The following SLC35F4 variants were observed in gnomAD, a reference collection of about 807,000 sequenced individuals.
The protein encoded by SLC35F4 is chromosome 14 open reading frame 36.
In SLC35F4, 24 loss-of-function variants were observed where a neutral mutation model predicts 44.2. The ratio of observed to expected loss-of-function variants is 0.54; its 90% CI spans 0.39 to 0.76. The LOEUF (loss-of-function observed/expected upper bound fraction) is 0.76, where lower values mean the gene tolerates loss of function less well. SLC35F4 is among the 30% of genes least tolerant of loss of function. The pLI is 0.00. For synonymous variants in SLC35F4, 238 were observed against 223.6 expected, an observed-to-expected ratio of 1.06 and a Z score of -0.57; for missense variants, 562 against 586.1, an observed-to-expected ratio of 0.96 and a Z score of 0.42.
intron 1 of SLC35F4, among the ~76,000 whole-genome samples, chr14:57,661,384 C>T (rs1334309481): frequency 6.6e-6 from 1 of 152,156 alleles, no homozygotes; most frequent in Admixed American, 6.6e-5. Flanking sequence ...GGATCATGCT[C>T]TCAAGCTTTA....
At chr14:57,595,257 T>G (rs1442043519) in intron 1 of SLC35F4, among the ~76,000 whole-genome samples, 1 of 152,194 alleles carries the variant, frequency 6.6e-6, no homozygotes, top group Non-Finnish European at 1.5e-5. Flanking sequence ...GATATTTTAT[T>G]TGGCTATATT....
At chr14:57,827,387 T>C (rs936673901) in intron 1 of SLC35F4, among the ~76,000 whole-genome samples, 3 of 152,090 alleles carry the variant, frequency 2.0e-5, no homozygotes, top group Non-Finnish European at 4.4e-5. Flanking sequence ...AACATAGCTA[T>C]GCATGCTGGG....
intron 1 of SLC35F4, among the ~76,000 whole-genome samples, chr14:57,706,306 C>T (rs374414948): frequency 1.2e-4 from 19 of 152,146 alleles, no homozygotes; most frequent in African/African-American, 4.1e-4. Context: ...GAGGGAGAAA[C>T]GGGTGGAATT....
intron 1 of SLC35F4, among the ~76,000 whole-genome samples, chr14:57,701,179 C>T (rs1261361921): frequency 1.3e-5 from 2 of 151,462 alleles, no homozygotes; most frequent in East Asian, 3.9e-4. Context: ...TGTTGTTAAA[C>T]ACTAAGACAC....
chr14:57,639,562 A>G (rs1470587301), intron 1 of SLC35F4, among the ~76,000 whole-genome samples: 2 of 152,022 alleles, frequency 1.3e-5, no homozygotes, highest in African/African-American at 2.4e-5. Context: ...CATTAGTGCC[A>G]GATATAATTT....
intron 1 of SLC35F4, among the ~76,000 whole-genome samples, chr14:57,864,097 A>T (rs535450508): frequency 6.6e-6 from 1 of 152,330 alleles, no homozygotes; most frequent in East Asian, 1.9e-4. Context: ...TGTCATAAAA[A>T]TTACAATAAT....
chr14:57,917,795 G>A (rs1889359810), intron 1 of SLC35F4, among the ~76,000 whole-genome samples: 1 of 152,198 alleles, frequency 6.6e-6, no homozygotes, highest in African/African-American at 2.4e-5. Flanking sequence ...CCAAGTTAGT[G>A]AGCATAGCAC....
intron 4 of SLC35F4, among the ~76,000 whole-genome samples, chr14:57,579,726 C>G (rs2069106638): frequency 6.6e-6 from 1 of 152,130 alleles, no homozygotes; most frequent in South Asian, 2.1e-4. Context: ...ACTTCGTGCC[C>G]TGTAATATTC....
intron 1 of SLC35F4, among the ~76,000 whole-genome samples, chr14:57,812,434 A>G (rs1297684441): frequency 6.6e-6 from 1 of 152,166 alleles, no homozygotes; most frequent in African/African-American, 2.4e-5. Context: ...GTCCTGGAAA[A>G]GGGCGGCTTA....
At chr14:57,607,346 C>T (rs1241093511) in intron 1 of SLC35F4, among the ~76,000 whole-genome samples, 1 of 152,138 alleles carries the variant, frequency 6.6e-6, no homozygotes, top group Admixed American at 6.6e-5. Context: ...GAGACAGCTG[C>T]TTAGGAAGCT....
intron 1 of SLC35F4, among the ~76,000 whole-genome samples, chr14:57,665,022 CTT>C (rs2074260989): frequency 6.6e-6 from 1 of 152,112 alleles, no homozygotes; most frequent in East Asian, 1.9e-4. Context: ...TAACAACATG[CTT>C]CCACTTCAGA....
chr14:57,706,873 T>C (rs1184638371), intron 1 of SLC35F4, among the ~76,000 whole-genome samples: 1 of 152,176 alleles, frequency 6.6e-6, no homozygotes, highest in Non-Finnish European at 1.5e-5. Context: ...TTAAGGCCAA[T>C]AGGAAGCTAT....
upstream of SLC35F4, among the ~76,000 whole-genome samples, chr14:57,869,948 G>T (rs1888260024): frequency 6.6e-6 from 1 of 152,184 alleles, no homozygotes; most frequent in South Asian, 2.1e-4. Context: ...GCTCAAAGGG[G>T]CTGGGTGTCT....
At chr14:57,952,059 C>T (rs35494561) in intron 1 of SLC35F4, among the ~76,000 whole-genome samples, 15,479 of 152,160 alleles carry the variant, frequency 0.1, 839 homozygotes, top group Middle Eastern at 0.12. Context: ...CTGATGGGTG[C>T]CCCTCTGGGA....
chr14:57,720,941 T>C (rs1480121189), intron 1 of SLC35F4, among the ~76,000 whole-genome samples: 4 of 140,454 alleles, frequency 2.8e-5, no homozygotes, highest in Non-Finnish European at 4.6e-5. Flanking sequence ...AGACAGCCTA[T>C]TGTGTGACCG....
intron 3 of SLC35F4, among the ~76,000 whole-genome samples, chr14:57,581,679 G>A (rs2069274639): frequency 6.6e-6 from 1 of 152,248 alleles, no homozygotes; most frequent in Admixed American, 6.5e-5. Context: ...TCTGGAGGTT[G>A]CCTGAAAAGC....
chr14:57,838,835 A>G (rs1446959312), intron 1 of SLC35F4, among the ~76,000 whole-genome samples: 1 of 152,202 alleles, frequency 6.6e-6, no homozygotes, highest in Non-Finnish European at 1.5e-5. Flanking sequence ...GCAGGAAAAT[A>G]CAGGATTATT....
At chr14:57,970,476 G>A (rs1472176959) in intron 1 of SLC35F4, among the ~76,000 whole-genome samples, 1 of 152,168 alleles carries the variant, frequency 6.6e-6, no homozygotes, top group Admixed American at 6.5e-5. Flanking sequence ...TGCTAAAAGA[G>A]TCTATGGGTG....
chr14:57,869,133 T>C (rs1888242437), upstream of SLC35F4, among the ~76,000 whole-genome samples: 1 of 152,104 alleles, frequency 6.6e-6, no homozygotes, highest in African/African-American at 2.4e-5. Flanking sequence ...ATTTTGATCA[T>C]CTGATCAAAT....
Sources: gnomAD v4.1 joint callset for allele counts (sites outside exome capture counted in the v4.1 genomes callset) on GRCh38, gnomAD v4.1.1 for gene constraint, MANE v1.5 for transcripts, NCBI Gene and HGNC (gene_info 2026-07-23, HGNC 2026-07-21) for gene names.